Variants in FRMD4B observed in about 807,000 individuals in gnomAD.
FRMD4B encodes FERM domain containing 4B.
In FRMD4B, 74 loss-of-function variants were observed where a neutral mutation model predicts 141.5. That is an observed-to-expected ratio of 0.52 (90% confidence interval 0.43 to 0.63). The LOEUF (loss-of-function observed/expected upper bound fraction) is 0.63, where lower values mean the gene tolerates loss of function less well. FRMD4B is among the 30% of genes least tolerant of loss of function. The probability of loss-of-function intolerance (pLI) is 0.00; values close to 1 mark genes in which losing one functional copy is unlikely to be tolerated. For synonymous variants in FRMD4B, 506 were observed against 467.9 expected (o/e 1.08, Z -1.05); for missense variants, 1,366 against 1,253.4 (o/e 1.09, Z -1.36).
At chr3:69,250,284 T>TGTGTGG in intron 5 of FRMD4B, 185 bp from the exon 6 acceptor site, 1 of 484,190 alleles carries the variant, frequency 2.1e-6, no homozygotes, top group Non-Finnish European at 3.6e-6. Flanking sequence ...GAAACCACTG[T>TGTGTGG]GTGTGCGTGT....
intron 5 of FRMD4B, among the ~76,000 whole-genome samples, chr3:69,264,877 A>G (rs2093550672): frequency 6.6e-6 from 1 of 152,174 alleles, no homozygotes; most frequent in Non-Finnish European, 1.5e-5. Context: ...CAGAAACTTG[A>G]TCACGATGAA....
chr3:69,229,841 G>C (rs142017690), intron 7 of FRMD4B, among the ~76,000 whole-genome samples: 4,634 of 152,192 alleles, frequency 0.03, 94 homozygotes, highest in East Asian at 0.11. Context: ...GAGTAGCTGG[G>C]ACTACAGGTG....
At chr3:69,467,407 C>T (rs1319818451) in intron 1 of FRMD4B, among the ~76,000 whole-genome samples, 1 of 152,148 alleles carries the variant, frequency 6.6e-6, no homozygotes, top group Non-Finnish European at 1.5e-5. Context: ...TCTAGAGTGG[C>T]ACCTCACTGT....
chr3:69,386,141 G>C, upstream of FRMD4B: 1 of 697,670 alleles, frequency 1.4e-6, no homozygotes, highest in Non-Finnish European at 2.3e-6. Flanking sequence ...CGTGCGTCCT[G>C]GCCAGGCTCC....
chr3:69,218,544 T>A (rs1171711137), intron 9 of FRMD4B, among the ~76,000 whole-genome samples, 165 bp from the exon 10 acceptor site: 2 of 152,226 alleles, frequency 1.3e-5, no homozygotes, highest in Admixed American at 6.5e-5. Flanking sequence ...GAGTAATATA[T>A]TTTAGCTTAT....
At chr3:69,414,634 C>T (rs1704818317) in intron 2 of FRMD4B, among the ~76,000 whole-genome samples, 1 of 151,870 alleles carries the variant, frequency 6.6e-6, no homozygotes, top group African/African-American at 2.4e-5. Context: ...GTGAGCAGTG[C>T]CATCAGGTTG....
At chr3:69,242,456 C>T (rs1418851731) in intron 7 of FRMD4B, among the ~76,000 whole-genome samples, 2 of 143,204 alleles carry the variant, frequency 1.4e-5, no homozygotes, top group Non-Finnish European at 3.0e-5. Flanking sequence ...AAAGAAATTC[C>T]TTTCCCATGG....
At chr3:69,417,892 T>A (rs1704897011) in intron 2 of FRMD4B, among the ~76,000 whole-genome samples, 1 of 152,190 alleles carries the variant, frequency 6.6e-6, no homozygotes, top group South Asian at 2.1e-4. Flanking sequence ...TGGCTGCCAG[T>A]ATTGCTTGAC....
chr3:69,410,718 AATAAATAAATATATATATATATAT>A (rs1186913875), intron 2 of FRMD4B, among the ~76,000 whole-genome samples: 3 of 72,446 alleles, frequency 4.1e-5, no homozygotes, highest in African/African-American at 1.6e-4. Flanking sequence ...TAAATAAATA[AATAAATAAATATATATATATATAT>A]ATATATATAT....
At position 69,366,114 on chromosome 3, in the gene FRMD4B, G is replaced by T. The variant is rs182365619; in HGVS notation, c.162+19714C>A. 6.2e-5 allele frequency among the ~76,000 whole-genome samples: 9 copies of T among 146,332 alleles called. 1 individual carries two copies. The highest frequency in any genetic ancestry group is 5.4e-4 in the Admixed American group (8 of 14,824). ...ACACACACACACACACACAAAATTAGCTGGTCATGGTGGCACAGGCTTGTA... is the reference window on the plus strand; with the variant it reads ...ACACACACACACACACACAAAATTATCTGGTCATGGTGGCACAGGCTTGTA... On this transcript the variant is annotated intron_variant, in intron 1 of 22. Transcript: ENST00000398540.
chr3:69,188,297 G>C (rs146437108), intron 18 of FRMD4B, among the ~76,000 whole-genome samples: 12 of 152,316 alleles, frequency 7.9e-5, no homozygotes, highest in African/African-American at 2.9e-4. Flanking sequence ...TACTTTTAAA[G>C]TTTTTAGGCC....
Position 69,514,452 on chromosome 3 carries a change from G to A in FRMD4B, c.-129+27754C>T, listed in dbSNP as rs376273060. Reference sequence around the variant, plus strand: ...TGCCTGTAATCCCAACACTTTGGGAGGCCAAGGCAGGTAGAACACTTGAGG... The same window carrying A: ...TGCCTGTAATCCCAACACTTTGGGAAGCCAAGGCAGGTAGAACACTTGAGG... On this transcript the variant is annotated intron_variant, in intron 1 of 5. Transcript: ENST00000459638. Among the ~76,000 whole-genome samples the A allele has an allele frequency of 5.8e-4, 88 of 152,226 alleles. 1 individual carries two copies. In the South Asian group the frequency reaches 0.018, roughly 31 times the overall value.
intron 14 of FRMD4B, among the ~76,000 whole-genome samples, chr3:69,195,616 C>T (rs56815074): frequency 0.047 from 7,118 of 152,106 alleles, 506 homozygotes; most frequent in East Asian, 0.28. Context: ...AAATGCTTAA[C>T]GTCCCAGACA....
At chr3:69,221,352 A>C (rs189733927) in intron 9 of FRMD4B, among the ~76,000 whole-genome samples, 72 of 152,322 alleles carry the variant, frequency 4.7e-4, no homozygotes, top group African/African-American at 1.5e-3. Flanking sequence ...GAAACAGACT[A>C]TCTAACACCA....
chr3:69,462,563 G>A (rs984047558), intron 1 of FRMD4B, among the ~76,000 whole-genome samples: 1 of 152,178 alleles, frequency 6.6e-6, no homozygotes, highest in Non-Finnish European at 1.5e-5. Flanking sequence ...CTACATAATT[G>A]GTGAGTGGTG....
chr3:69,254,609 AT>A (rs2106811539), intron 5 of FRMD4B, among the ~76,000 whole-genome samples: 1 of 152,278 alleles, frequency 6.6e-6, no homozygotes, highest in African/African-American at 2.4e-5. Context: ...GAGCCTCCTG[AT>A]CATAAGGTAT....
At chr3:69,322,596 T>C (rs1301071084) in intron 1 of FRMD4B, among the ~76,000 whole-genome samples, 47 of 60,150 alleles carry the variant, frequency 7.8e-4, no homozygotes, top group Admixed American at 9.2e-4. Flanking sequence ...CTCTCTCTCT[T>C]TTTTTTTTTT....
At chr3:69,542,104 C>A (rs184589294) in intron 1 of FRMD4B, 1 of 152,032 alleles carries the variant, frequency 6.6e-6, no homozygotes, top group Admixed American at 6.5e-5. Flanking sequence ...GGTCTCCAAA[C>A]GTGCGCGCTG....
At chr3:69,480,035 C>T (rs891678025) in intron 1 of FRMD4B, among the ~76,000 whole-genome samples, 7 of 152,188 alleles carry the variant, frequency 4.6e-5, no homozygotes, top group Admixed American at 2.0e-4. Flanking sequence ...AAGTAGTTCT[C>T]GAGCCTTGGC....
Sources: allele counts gnomAD v4.1 joint callset (sites outside exome capture counted in the v4.1 genomes callset), GRCh38; gene constraint gnomAD v4.1.1; transcripts MANE v1.5; gene names NCBI Gene and HGNC (gene_info 2026-07-23, HGNC 2026-07-21).